Variants in ADSS2 observed in about 807,000 individuals in gnomAD.
The protein encoded by ADSS2 is adenylosuccinate synthase 2, also known as adenylosuccinate synthetase isozyme 2.
ADSS2 carries 30 observed loss-of-function variants against 60.0 expected under a neutral mutation model. The ratio of observed to expected loss-of-function variants is 0.50; its 90% CI spans 0.37 to 0.68. The LOEUF is 0.68. Ranked by LOEUF, ADSS2 falls within the 30% of genes least tolerant of loss-of-function variation. ADSS2 has a pLI of 0.00. For missense variants in ADSS2, 373 were observed against 554.8 expected, an observed-to-expected ratio of 0.67 and a Z score of 3.29; for synonymous variants, 187 against 193.1, an observed-to-expected ratio of 0.97 and a Z score of 0.26.
At chr1:244,423,587 TA>T (rs1217793089) in intron 6 of ADSS2, among the ~76,000 whole-genome samples, 1 of 152,116 alleles carries the variant, frequency 6.6e-6, no homozygotes, top group African/African-American at 2.4e-5. Flanking sequence ...TGGGAGGACA[TA>T]AGGAGTCTCT....
intron 3 of ADSS2, among the ~76,000 whole-genome samples, chr1:244,435,168 C>CAAAAAAAAAAAAAAAAAAAAAAAA (rs60576167): frequency 5.8e-5 from 3 of 51,730 alleles, no homozygotes; most frequent in African/African-American, 2.5e-4. Context: ...ACTCCGTCTC[C>CAAAAAAAAAAAAAAAAAAAAAAAA]AAAAAAAAAA....
intron 12 of ADSS2, among the ~76,000 whole-genome samples, chr1:244,410,433 G>A (rs1664384768): frequency 6.6e-6 from 1 of 152,084 alleles, no homozygotes; most frequent in Non-Finnish European, 1.5e-5. Flanking sequence ...ACAGCCATAC[G>A]TTGTTATGCC....
chr1:244,422,949 C>T (rs1041523841), intron 6 of ADSS2, 33 bp from the exon 7 acceptor site: 2 of 1,341,974 alleles, frequency 1.5e-6, no homozygotes, highest in African/African-American at 1.5e-5. Flanking sequence ...GACATTACCA[C>T]TCTGTGAAAA....
chr1:244,441,303 C>T (rs1665242292), intron 1 of ADSS2, among the ~76,000 whole-genome samples: 1 of 152,132 alleles, frequency 6.6e-6, no homozygotes. Flanking sequence ...TGTGATCCGC[C>T]CGCCTCGGCC....
chr1:244,445,012 T>C (rs1342823020), intron 1 of ADSS2, among the ~76,000 whole-genome samples: 3 of 152,112 alleles, frequency 2.0e-5, no homozygotes, highest in African/African-American at 7.2e-5. Flanking sequence ...GGGAAACATG[T>C]TCCAACCTGA....
At chr1:244,426,994 T>C (rs1449685306) in intron 4 of ADSS2, among the ~76,000 whole-genome samples, 1 of 152,160 alleles carries the variant, frequency 6.6e-6, no homozygotes, top group Non-Finnish European at 1.5e-5. Flanking sequence ...CCTGACACAG[T>C]AGGCATTTAA....
chr1:244,439,140 C>G (rs1430665568), intron 1 of ADSS2, among the ~76,000 whole-genome samples: 1 of 152,190 alleles, frequency 6.6e-6, no homozygotes, highest in African/African-American at 2.4e-5. Flanking sequence ...TAAGTGGGAA[C>G]ATGTGAAGTT....
chr1:244,443,659 G>A (rs1414945847), intron 1 of ADSS2, among the ~76,000 whole-genome samples: 1 of 152,190 alleles, frequency 6.6e-6, no homozygotes, highest in Non-Finnish European at 1.5e-5. Flanking sequence ...ATACAGTACA[G>A]ATTTCAGACA....
intron 11 of ADSS2, among the ~76,000 whole-genome samples, chr1:244,411,671 A>G (rs749035623): frequency 2.0e-5 from 3 of 152,210 alleles, no homozygotes; most frequent in Non-Finnish European, 4.4e-5. Context: ...ATAAGAGGAT[A>G]AAGATTATGT....
chr1:244,438,500 T>C (rs1254434235), intron 1 of ADSS2, among the ~76,000 whole-genome samples: 2 of 152,182 alleles, frequency 1.3e-5, no homozygotes, highest in African/African-American at 4.8e-5. Context: ...AAAAAGTAGG[T>C]ACAAAGGAGA....
chr1:244,445,600 A>C (rs1263121599), intron 1 of ADSS2, among the ~76,000 whole-genome samples: 4 of 152,086 alleles, frequency 2.6e-5, no homozygotes, highest in Non-Finnish European at 5.9e-5. Context: ...AGGAAATGCT[A>C]ATATGTGTAA....
intron 6 of ADSS2, among the ~76,000 whole-genome samples, chr1:244,423,386 G>C (rs953046385): frequency 2.0e-5 from 3 of 152,188 alleles, no homozygotes; most frequent in Non-Finnish European, 4.4e-5. Flanking sequence ...TGTCATTATA[G>C]CTTTGATGCC....
chr1:244,441,938 A>T (rs531261036), intron 1 of ADSS2, among the ~76,000 whole-genome samples: 2 of 152,318 alleles, frequency 1.3e-5, no homozygotes, highest in Admixed American at 6.5e-5. Context: ...CCTGGGCCAC[A>T]GAACAAGACT....
chr1:244,430,904 C>A (rs913625689), intron 4 of ADSS2, among the ~76,000 whole-genome samples: 1 of 152,132 alleles, frequency 6.6e-6, no homozygotes, highest in African/African-American at 2.4e-5. Context: ...GGCAGGTCAC[C>A]TAAGGTCAGG....
chr1:244,432,629 A>AT lies in ADSS2; in HGVS notation c.356-35dup, dbSNP rs775697192. The AT allele has an allele frequency of 3.0e-6, 3 of 1,012,380 alleles. No individual in the cohort carries two copies. In the South Asian group the frequency reaches 4.5e-5, roughly 15 times the overall value. The allele number at this position is 1,012,380 out of a possible 1,614,324, so 62.7% of individuals were successfully genotyped here. On this transcript the variant is annotated intron_variant, in intron 3 of 12. Coordinates refer to ENST00000366535, the MANE Select transcript of ADSS2 (RefSeq NM_001126.5). ...GGGAAAAAGATATATTTAATTGAAT[A>AT]TTTTGTATAGCAGTTTTAAAATCTT...
intron 3 of ADSS2, among the ~76,000 whole-genome samples, chr1:244,436,148 G>C (rs1665096516): frequency 6.6e-6 from 1 of 152,186 alleles, no homozygotes; most frequent in Non-Finnish European, 1.5e-5. Flanking sequence ...CTTTCCACTT[G>C]TGGTGTCATG....
intron 1 of ADSS2, among the ~76,000 whole-genome samples, chr1:244,444,830 A>T (rs1038806107): frequency 6.6e-6 from 1 of 152,160 alleles, no homozygotes; most frequent in Non-Finnish European, 1.5e-5. Flanking sequence ...AGTTTTGGAA[A>T]ACAATTTATA....
chr1:244,418,141 T>C (rs1664581743), intron 9 of ADSS2, among the ~76,000 whole-genome samples: 1 of 152,158 alleles, frequency 6.6e-6, no homozygotes, highest in Non-Finnish European at 1.5e-5. Context: ...ATAATGCCCT[T>C]CTGAAGAAAA....
In ADSS2 at chr1:244,432,660, C is replaced by CTTTTTT. The variant is rs532312490; in HGVS notation, c.356-71_356-66dup. Reference sequence around the variant, plus strand: ...TATAGCAGTTTTAAAATCTTAATTTCTTTTTTTTTTTTTTTTTTTTTGAGA... The same window carrying CTTTTTT: ...TATAGCAGTTTTAAAATCTTAATTTCTTTTTTTTTTTTTTTTTTTTTTTTTTTGAGA... On this transcript the variant is annotated intron_variant, in intron 3 of 12. Coordinates refer to ENST00000366535, the MANE Select transcript of ADSS2 (RefSeq NM_001126.5). The CTTTTTT allele has an allele frequency of 1.4e-3, 527 of 387,118 alleles. 2 individuals carry two copies. The highest frequency in any genetic ancestry group is 2.7e-3 in the South Asian group (106 of 39,796). The allele number at this position is 387,118 out of a possible 1,614,324, so 24.0% of individuals were successfully genotyped here. A position where few individuals can be genotyped will look rare whatever the true frequency, so the allele number is the denominator to read the frequency against.
Sources: allele counts gnomAD v4.1 joint callset (sites outside exome capture counted in the v4.1 genomes callset), GRCh38; gene constraint gnomAD v4.1.1; transcripts MANE v1.5; gene names NCBI Gene and HGNC (gene_info 2026-07-23, HGNC 2026-07-21).